CACNA1H: variants seen among roughly 807,000 people sequenced by gnomAD.
CACNA1H encodes the protein voltage-dependent T-type calcium channel subunit alpha-1H.
A neutral mutation model predicts 192.5 loss-of-function variants in CACNA1H; 149 were observed. The observed-to-expected ratio is 0.77, with a 90% CI of 0.68 to 0.89. CACNA1H has a LOEUF of 0.89. CACNA1H is among the 40% of genes least tolerant of loss of function. The pLI is 0.00. For missense variants in CACNA1H, 4,257 were observed against 3,423.5 expected (o/e 1.24, Z -6.08); for synonymous variants, 2,202 against 1,475.2 (o/e 1.49, Z -11.29).
chr16:1,202,528 C>A, intron 9 of CACNA1H, 76 bp downstream of exon 9: 1 of 1,283,888 alleles, frequency 7.8e-7, no homozygotes, highest in Non-Finnish European at 1.0e-6. Context: ...GTGTGTCATT[C>A]CCACACCCAT....
At chr16:1,184,655 G>A (rs1382633613) in intron 2 of CACNA1H, among the ~76,000 whole-genome samples, 1 of 152,234 alleles carries the variant, frequency 6.6e-6, no homozygotes, top group Non-Finnish European at 1.5e-5. Context: ...GGTGGGTCTG[G>A]GGCATGTGAG....
In CACNA1H at chr16:1,200,320, A is replaced by C; in HGVS notation, c.868A>C (p.Ile290Leu). 1 of 1,605,810 alleles carries C rather than the reference A, an allele frequency of 6.2e-7. No individual in the cohort carries two copies. The highest frequency in any genetic ancestry group is 1.1e-5 in the South Asian group (1 of 89,926). ...GGAGGAGGGCGAGGAGAACCCGTTCATCTGCTCCTCACGCCGAGACAACGG... is the reference window on the plus strand; with the variant it reads ...GGAGGAGGGCGAGGAGAACCCGTTCCTCTGCTCCTCACGCCGAGACAACGG... Reference protein sequence around the residue: ...QTEEGEENPFICSSRRDNGMQ... With the variant: ...QTEEGEENPFLCSSRRDNGMQ... The change falls in exon 7 of 35, where the codon ATC (isoleucine) becomes CTC (leucine). Residue 290 changes from isoleucine to leucine, a missense_variant. By Grantham distance (5) the Ile-to-Leu change is conservative. Coordinates refer to ENST00000348261, the MANE Select transcript of CACNA1H (RefSeq NM_021098.3).
chr16:1,217,050 T>G, intron 31 of CACNA1H, 40 bp downstream of exon 31: 1 of 1,506,300 alleles, frequency 6.6e-7, no homozygotes, highest in Non-Finnish European at 9.1e-7. Context: ...ACACATGGGG[T>G]CCTGACAGGC....
At position 1,221,584 on chromosome 16, in the gene CACNA1H, C is replaced by T. The variant is rs1027519129; in HGVS notation, c.*590C>T. On this transcript the variant is annotated 3_prime_UTR_variant, in exon 35 of 35. Transcript: ENST00000348261. ...GGCCGACCCCATGGAGTAACGCGCC[C>T]GGCCCCGATGCGAATCAGGCCTCCC... 31 of 592,436 alleles carry T rather than the reference C, an allele frequency of 5.2e-5. No individual in the cohort carries two copies. The highest frequency in any genetic ancestry group is 7.8e-5 in the Non-Finnish European group (27 of 345,524). The allele number at this position is 592,436 out of a possible 1,614,324, so 36.7% of individuals were successfully genotyped here.
intron 2 of CACNA1H, among the ~76,000 whole-genome samples, chr16:1,184,210 C>A (rs1275331932): frequency 2.0e-5 from 3 of 152,260 alleles, no homozygotes; most frequent in African/African-American, 7.2e-5. Context: ...TGCATGGGGC[C>A]CCTCCCCGAG....
intron 2 of CACNA1H, 62 bp downstream of exon 2, chr16:1,154,098 G>T: frequency 1.0e-6 from 1 of 962,084 alleles, no homozygotes; most frequent in Non-Finnish European, 1.4e-6. Flanking sequence ...GGGGCCCGGG[G>T]CGCGGGACTC....
intron 2 of CACNA1H, among the ~76,000 whole-genome samples, chr16:1,169,927 G>A (rs1195575234): frequency 6.6e-6 from 1 of 152,258 alleles, no homozygotes; most frequent in Non-Finnish European, 1.5e-5. Flanking sequence ...GGCGGCTGGG[G>A]TGTTTTTCTG....
Position 1,204,213 on chromosome 16 carries a change from C to G in CACNA1H, c.2206C>G (p.His736Asp). Residue 736 changes from histidine to aspartate, a missense_variant, in exon 10 of 35, where the codon CAC (histidine) becomes GAC (aspartate). His to Asp is a moderately conservative substitution (Grantham distance 81). Transcript: ENST00000348261. ...CTATGAATTCACGCAGGACGTCCGG[C>G]ACGGTGACCGCTGGGACCCCACGCG... is the stretch of plus-strand genomic sequence containing the variant. ...GVYEFTQDVR[H>D]GDRWDPTRPP... The G allele has an allele frequency of 6.2e-7, 1 of 1,611,944 alleles. No individual in the cohort carries two copies. Among genetic ancestry groups the G allele is most frequent in the Non-Finnish European group, 8.5e-7 (1 of 1,179,514 alleles).
chr16:1,213,957 C>T, intron 27 of CACNA1H, 26 bp downstream of exon 27: 1 of 1,590,766 alleles, frequency 6.3e-7, no homozygotes, highest in Non-Finnish European at 8.6e-7. Flanking sequence ...CCGCGAGGGG[C>T]CCAGGGGCTG....
chr16:1,215,031 G>A lies in CACNA1H; in HGVS notation c.4989G>A (p.Glu1663=), dbSNP rs1969893094. The A allele has an allele frequency of 1.9e-6, 3 of 1,613,116 alleles. No homozygotes were observed. Among genetic ancestry groups the A allele is most frequent in the Non-Finnish European group, 2.5e-6 (3 of 1,179,564 alleles). ...TCTTCACCATCGTGTTTGTCTTCGA[G>A]GCTGCACTGAAGCTGGTAGCATTTG... ...NYVFTIVFVF[E]AALKLVAFGF... The change falls in exon 28 of 35, where the codon GAG becomes GAA. Residue 1663 remains glutamate (E), a synonymous_variant. Coordinates refer to ENST00000348261, the MANE Select transcript of CACNA1H (RefSeq NM_021098.3).
chr16:1,161,285 C>T (rs1483089548), intron 2 of CACNA1H, among the ~76,000 whole-genome samples: 1 of 152,182 alleles, frequency 6.6e-6, no homozygotes, highest in Non-Finnish European at 1.5e-5. Context: ...TGAACGCTGT[C>T]AACTGAGCCG....
intron 3 of CACNA1H, 67 bp from the exon 4 acceptor site, chr16:1,195,365 G>A: frequency 6.5e-7 from 1 of 1,541,814 alleles, no homozygotes; most frequent in African/African-American, 1.4e-5. Context: ...CTCTTGCGGG[G>A]CTGGGGTTGG....
rs771688999 is a variant in CACNA1H at position 1,215,372 on chromosome 16, C to T, written c.5170C>T (p.Arg1724Cys). The change falls in exon 29 of 35, where the codon CGT (arginine) becomes TGT (cysteine). Residue 1724 changes from arginine (R) to cysteine (C), a missense_variant. Arg to Cys is a radical substitution (Grantham distance 180). Coordinates refer to ENST00000348261, the MANE Select transcript of CACNA1H (RefSeq NM_021098.3). ...IRIMRVLRIA[R>C]VLKLLKMATG... is the part of the protein sequence containing the mutation. ...CATCATGCGCGTGCTTCGCATTGCC[C>T]GTGGTAGGTGCCCGCGTGCCCGCCA... is the stretch of plus-strand genomic sequence containing the variant. 1.6e-5 allele frequency: 23 copies of T among 1,449,294 alleles called. No homozygotes were observed. Among genetic ancestry groups the T allele is most frequent in the South Asian group, 4.5e-5 (4 of 88,436 alleles). 89.8% of individuals were successfully genotyped at this position (1,449,294 alleles called of 1,614,324 possible).
intron 2 of CACNA1H, among the ~76,000 whole-genome samples, chr16:1,155,493 G>A (rs1165813298): frequency 6.6e-6 from 1 of 152,202 alleles, no homozygotes; most frequent in Non-Finnish European, 1.5e-5. Context: ...CATGGGGAAG[G>A]GTCTGGAAGG....
chr16:1,156,725 G>T (rs1216940205), intron 2 of CACNA1H, among the ~76,000 whole-genome samples: 1 of 152,126 alleles, frequency 6.6e-6, no homozygotes, highest in East Asian at 1.9e-4. Context: ...TGCTCCCGGG[G>T]GTTGGCAGAG....
chr16:1,195,222 A>G, intron 3 of CACNA1H, 139 bp downstream of exon 3: 2 of 577,078 alleles, frequency 3.5e-6, no homozygotes, highest in East Asian at 5.8e-5. Flanking sequence ...GGCGAGGTTC[A>G]CGGCGGGGCG....
chr16:1,199,155 T>C (rs1211028353), intron 6 of CACNA1H, among the ~76,000 whole-genome samples: 2 of 45,356 alleles, frequency 4.4e-5, no homozygotes, highest in African/African-American at 9.5e-5. Context: ...CACCGTGCGG[T>C]CGCTGCACAT....
chr16:1,190,748 GC>G (rs1158911997), intron 2 of CACNA1H, among the ~76,000 whole-genome samples: 1 of 150,636 alleles, frequency 6.6e-6, no homozygotes, highest in Non-Finnish European at 1.5e-5. Flanking sequence ...GGATTGTGGG[GC>G]TAATTTTGGG....
In CACNA1H at chr16:1,220,059, A is replaced by G; in HGVS notation, c.6127A>G (p.Lys2043Glu). ...DTLDPAEPGE[K>E]TPVRPVTQGG... is the part of the protein sequence containing the mutation. ...CCTGGATCCTGCAGAGCCTGGTGAGAAAACCCCGGTGAGGCCGGTGACCCA... is the reference window on the plus strand; with the variant it reads ...CCTGGATCCTGCAGAGCCTGGTGAGGAAACCCCGGTGAGGCCGGTGACCCA... The change falls in exon 35 of 35, where the codon AAA (lysine) becomes GAA (glutamate). Residue 2043 changes from lysine to glutamate, a missense_variant. Coordinates refer to ENST00000348261, the MANE Select transcript of CACNA1H (RefSeq NM_021098.3). 4.2e-6 allele frequency: 6 copies of G among 1,430,794 alleles called. No individual in the cohort carries two copies. Among genetic ancestry groups the G allele is most frequent in the Non-Finnish European group, 5.5e-6 (6 of 1,093,768 alleles). The allele number at this position is 1,430,794 out of a possible 1,614,324, so 88.6% of individuals were successfully genotyped here. A position where few individuals can be genotyped will look rare whatever the true frequency, so the allele number is the denominator to read the frequency against.
Sources: gnomAD v4.1 joint callset for allele counts (sites outside exome capture counted in the v4.1 genomes callset) on GRCh38, gnomAD v4.1.1 for gene constraint, MANE v1.5 for transcripts, NCBI Gene and HGNC (gene_info 2026-07-23, HGNC 2026-07-21) for gene names.